CSF1R: variants seen among roughly 807,000 people sequenced by gnomAD.
CSF1R encodes colony stimulating factor 1 receptor, also known as macrophage colony-stimulating factor 1 receptor.
Under a neutral mutation model 110.0 loss-of-function variants are expected in CSF1R, and 40 were observed. The observed-to-expected ratio is 0.36, with a 90% CI of 0.28 to 0.47. The LOEUF (loss-of-function observed/expected upper bound fraction) is 0.47, where lower values mean the gene tolerates loss of function less well. CSF1R is among the 20% of genes least tolerant of loss of function. The probability of loss-of-function intolerance (pLI) is 0.99; values close to 1 mark genes in which losing one functional copy is unlikely to be tolerated. For synonymous variants in CSF1R, 523 were observed against 503.4 expected (o/e 1.04, Z -0.52); for missense variants, 1,052 against 1,253.0 (o/e 0.84, Z 2.42).
At chr5:150,110,676 T>C (rs1759690483) in intron 1 of CSF1R, among the ~76,000 whole-genome samples, 1 of 152,230 alleles carries the variant, frequency 6.6e-6, no homozygotes, top group Non-Finnish European at 1.5e-5. Flanking sequence ...AATATTAGTA[T>C]GGATATAAAG....
Position 150,078,117 on chromosome 5 carries a change from T to C in CSF1R, c.724A>G (p.Thr242Ala), listed in dbSNP as rs1297158711. 6.2e-7 allele frequency: 1 copy of C among 1,614,020 alleles called. No homozygotes were observed. Among genetic ancestry groups the C allele is most frequent in the Non-Finnish European group, 8.5e-7 (1 of 1,179,942 alleles). Residue 242 changes from threonine (T) to alanine (A), a missense_variant, in exon 4 of 21, where the codon ACC becomes GCC. Thr to Ala is a moderately conservative substitution (Grantham distance 58). Transcript: ENST00000675795. ...NFDVFLQHNN[T>A]KLAIPQQSDF... is the part of the protein sequence containing the mutation. ...TGTGATCTGCAGGGACTGACCTTGG[T>C]GTTGTTGTGTTGGAGGAAGACATCA...
intron 1 of CSF1R, among the ~76,000 whole-genome samples, chr5:150,105,759 T>A (rs1759536210): frequency 6.6e-6 from 1 of 152,168 alleles, no homozygotes; most frequent in African/African-American, 2.4e-5. Context: ...CCTCCTGGCA[T>A]CAAGCGATCC....
intron 1 of CSF1R, among the ~76,000 whole-genome samples, chr5:150,101,478 G>A (rs1383605543): frequency 2.6e-5 from 4 of 152,160 alleles, no homozygotes; most frequent in Admixed American, 2.6e-4. Context: ...GGAAGAGGTA[G>A]GCCTGGGAAG....
chr5:150,084,441 A>G (rs1423553394), intron 1 of CSF1R, among the ~76,000 whole-genome samples: 1 of 65,484 alleles, frequency 1.5e-5, no homozygotes, highest in Non-Finnish European at 3.0e-5. Flanking sequence ...GAAGGAAGGA[A>G]GGAAGGAAGG....
At chr5:150,060,605 G>A in intron 13 of CSF1R, among the ~76,000 whole-genome samples, 1 of 152,116 alleles carries the variant, frequency 6.6e-6, no homozygotes, top group Non-Finnish European at 1.5e-5. Flanking sequence ...CAGGGCCTAG[G>A]AGCTTGCACA....
rs1414323194 is a variant in CSF1R at position 150,080,838 on chromosome 5, G to C, written c.236C>G (p.Thr79Arg). Residue 79 changes from threonine (T) to arginine (R), a missense_variant, in exon 2 of 21, where the codon ACG becomes AGG. Physicochemically the swap from Thr to Arg is moderately conservative, Grantham distance 71. This residue lies in a region of CSF1R where 693 missense variants were observed against 735.4 expected (regional missense o/e 0.94). Transcript: ENST00000675795. Reference sequence around the variant, plus strand: ...AGGCTCAGTGCAGCGATAGGTCCCCGTGTTTTGGAAGGTAGCGTTGTTGGT... The same window carrying C: ...AGGCTCAGTGCAGCGATAGGTCCCCCTGTTTTGGAAGGTAGCGTTGTTGGT... Reference protein sequence around the residue: ...LSTNNATFQNTGTYRCTEPGD... With the variant: ...LSTNNATFQNRGTYRCTEPGD... 1.2e-6 allele frequency: 2 copies of C among 1,614,050 alleles called. No homozygotes were observed. The highest frequency in any genetic ancestry group is 2.2e-5 in the East Asian group (1 of 44,896).
At chr5:150,090,670 T>C (rs1759010045), upstream of CSF1R, among the ~76,000 whole-genome samples, 2 of 152,244 alleles carry the variant, frequency 1.3e-5, no homozygotes, top group East Asian at 3.9e-4. Context: ...TAAAAAAGAA[T>C]GAAAGTTGTA....
At chr5:150,112,221 CTTT>C (rs1373976323) in intron 1 of CSF1R, among the ~76,000 whole-genome samples, 1 of 122,064 alleles carries the variant, frequency 8.2e-6, no homozygotes, top group Non-Finnish European at 1.8e-5. Context: ...GAATAAACTT[CTTT>C]AACTAGAAAA....
At position 150,077,652 on chromosome 5, in the gene CSF1R, C is replaced by T. The variant is rs531661396; in HGVS notation, c.730-217G>A. ...GTGGCTTAGGGCTGTGTCTGGAACA[C>T]GGCAGGTGCAGTGGGAAGGGAGGGG... On this transcript the variant is annotated intron_variant, in intron 4 of 20. Transcript: ENST00000675795. Among the ~76,000 whole-genome samples, 9 of 152,252 alleles carry T rather than the reference C, an allele frequency of 5.9e-5. No homozygotes were observed. The South Asian group carries it at 1.0e-3, about 18-fold the overall frequency.
At chr5:150,072,305 C>T (rs963503345) in intron 6 of CSF1R, among the ~76,000 whole-genome samples, 4 of 151,958 alleles carry the variant, frequency 2.6e-5, no homozygotes, top group Non-Finnish European at 4.4e-5. Context: ...ACCAGCCTGG[C>T]CAACATGGTG....
chr5:150,097,016 C>T (rs999106364), intron 1 of CSF1R, among the ~76,000 whole-genome samples: 22 of 152,148 alleles, frequency 1.4e-4, no homozygotes, highest in African/African-American at 4.6e-4. Flanking sequence ...AAGCTCAGCA[C>T]TTTGGGGGGC....
intron 12 of CSF1R, among the ~76,000 whole-genome samples, 173 bp from the exon 13 acceptor site, chr5:150,061,145 C>CAG (rs988578526): frequency 8.6e-5 from 13 of 151,656 alleles, no homozygotes; most frequent in African/African-American, 1.5e-4. Context: ...ACACAGATGG[C>CAG]AGAGAGAGAG....
Position 150,080,248 on chromosome 5 carries a change from C to T in CSF1R, c.396G>A (p.Pro132=), listed in dbSNP as rs570912127. ...CCAGCGAGACGCCTGCTTCCAGCAC[C>T]GGGTCTGTGAGCAGACAGGGCAGTA... ...DALLPCLLTD[P]VLEAGVSLVR... Residue 132 remains proline, a synonymous_variant, in exon 3 of 21, where the codon CCG becomes CCA. Coordinates refer to ENST00000675795, the MANE Select transcript of CSF1R (RefSeq NM_001288705.3). The T allele has an allele frequency of 1.9e-5, 31 of 1,613,988 alleles. No individual in the cohort carries two copies. The highest frequency in any genetic ancestry group is 6.7e-5 in the African/African-American group (5 of 75,052).
rs1229103041 is a variant in CSF1R at position 150,086,438 on chromosome 5, G to C, written c.-11C>G. 6.2e-7 allele frequency: 1 copy of C among 1,608,050 alleles called. No individual in the cohort carries two copies. The highest frequency in any genetic ancestry group is 1.1e-5 in the South Asian group (1 of 89,250). ...AACTCCTGGGCCCATGGCCTCGGTG[G>C]GGAAGTGGCAGGCAGGTGCAGGGCT... On this transcript the variant is annotated 5_prime_UTR_variant, in exon 1 of 21. Coordinates refer to ENST00000675795, the MANE Select transcript of CSF1R (RefSeq NM_001288705.3).
chr5:150,101,118 G>A (rs1759390548), intron 1 of CSF1R, among the ~76,000 whole-genome samples: 1 of 152,052 alleles, frequency 6.6e-6, no homozygotes, highest in South Asian at 2.1e-4. Context: ...TTGAATCTGG[G>A]CTTGGTCGTG....
At position 150,057,314 on chromosome 5, in the gene CSF1R, C is replaced by T; in HGVS notation, c.2292G>A (p.Gln764=). ...TCTTGGAAGCGAGGAAGGCCATGCC[C>T]TGGGCTACTTGGCTGGAGAAGTGAA... ...DLLHFSSQVA[Q]GMAFLASKNC... Residue 764 remains glutamine (Q), a synonymous_variant, in exon 16 of 21, where the codon CAG becomes CAA. Coordinates refer to ENST00000675795, the MANE Select transcript of CSF1R (RefSeq NM_001288705.3). 6.2e-7 allele frequency: 1 copy of T among 1,613,902 alleles called. No individual in the cohort carries two copies. Among genetic ancestry groups the T allele is most frequent in the Admixed American group, 1.7e-5 (1 of 60,034 alleles).
At position 150,056,368 on chromosome 5, in the gene CSF1R, C is replaced by T. The variant is rs375506129; in HGVS notation, c.2320-27G>A. On this transcript the variant is annotated intron_variant, in intron 16 of 20. Coordinates refer to ENST00000675795, the MANE Select transcript of CSF1R (RefSeq NM_001288705.3). Reference sequence around the variant, plus strand: ...TGAGGGAAAGCACTGCAGGGTTAGTCTTGGGCCTTCTCCTACCTGAGCCTG... The same window carrying T: ...TGAGGGAAAGCACTGCAGGGTTAGTTTTGGGCCTTCTCCTACCTGAGCCTG... The T allele has an allele frequency of 4.6e-4, 735 of 1,613,198 alleles. 1 individual carries two copies. The highest frequency in any genetic ancestry group is 5.7e-4 in the Non-Finnish European group (672 of 1,179,596).
chr5:150,101,872 A>G (rs1010422735), intron 1 of CSF1R, among the ~76,000 whole-genome samples: 4 of 151,868 alleles, frequency 2.6e-5, no homozygotes, highest in African/African-American at 9.7e-5. Flanking sequence ...CATCCATCCC[A>G]TCCCTACTTT....
intron 6 of CSF1R, among the ~76,000 whole-genome samples, chr5:150,072,743 T>TTATA (rs1486863570): frequency 6.6e-6 from 1 of 152,080 alleles, no homozygotes; most frequent in African/African-American, 2.4e-5. Flanking sequence ...TGTGGAGTTA[T>TTATA]TATAGATTGC....
Sources: allele counts gnomAD v4.1 joint callset (sites outside exome capture counted in the v4.1 genomes callset), GRCh38; gene constraint gnomAD v4.1.1; regional missense constraint gnomAD v4.1.1; transcripts MANE v1.5; gene names NCBI Gene and HGNC (gene_info 2026-07-23, HGNC 2026-07-21).